SPOCK3: variants seen among roughly 807,000 people sequenced by gnomAD.
SPOCK3 encodes the protein SPARC (osteonectin), cwcv and kazal like domains proteoglycan 3, also known as testican-3.
Under a neutral mutation model 56.6 loss-of-function variants are expected in SPOCK3, and 30 were observed. That is an observed-to-expected ratio of 0.53 (90% CI 0.40 to 0.72). SPOCK3 has a LOEUF of 0.72. Ranked by LOEUF, SPOCK3 falls within the 30% of genes least tolerant of loss-of-function variation. The pLI is 0.00. For missense variants in SPOCK3, 527 were observed against 530.0 expected (o/e 0.99, Z 0.06); for synonymous variants, 196 against 183.3 (o/e 1.07, Z -0.56).
rs1303527662 is a variant in SPOCK3 at position 166,909,987 on chromosome 4, G to A, written c.474+2633C>T. ...ATAGCCTAGGGCAATACTTTCTTAT[G>A]AGGGGGGAACAAAAAAACACCAACA... On this transcript the variant is annotated intron_variant, in intron 5 of 10. Transcript: ENST00000357545. Among the ~76,000 whole-genome samples the A allele has an allele frequency of 3.3e-5, 5 of 152,088 alleles. No individual in the cohort carries two copies. In the East Asian group the frequency reaches 9.6e-4, roughly 29 times the overall value.
chr4:166,906,495 A>AC (rs1427836858), intron 5 of SPOCK3, among the ~76,000 whole-genome samples: 2 of 151,362 alleles, frequency 1.3e-5, no homozygotes, highest in Admixed American at 6.6e-5. Flanking sequence ...AAAAAAAAAA[A>AC]AAAAAACCTA....
At chr4:167,017,017 G>C (rs1750691634) in intron 3 of SPOCK3, among the ~76,000 whole-genome samples, 1 of 152,096 alleles carries the variant, frequency 6.6e-6, no homozygotes, top group African/African-American at 2.4e-5. Context: ...GACAAGATTT[G>C]AAACATGCAA....
intron 2 of SPOCK3, among the ~76,000 whole-genome samples, chr4:167,180,777 CCAAA>C (rs1259891497): frequency 6.6e-6 from 1 of 151,902 alleles, no homozygotes; most frequent in Non-Finnish European, 1.5e-5. Flanking sequence ...GAAGACATGG[CCAAA>C]CATTTTTAGA....
intron 2 of SPOCK3, among the ~76,000 whole-genome samples, chr4:167,090,372 T>C (rs1450459770): frequency 2.0e-5 from 3 of 152,176 alleles, no homozygotes; most frequent in African/African-American, 7.2e-5. Flanking sequence ...AATTTGCATT[T>C]ACACAGTGAC....
chr4:166,956,522 G>T (rs1743495977), intron 4 of SPOCK3, among the ~76,000 whole-genome samples: 1 of 152,176 alleles, frequency 6.6e-6, no homozygotes, highest in Admixed American at 6.5e-5. Flanking sequence ...CACAGAGCAA[G>T]AAGGTATGAG....
chr4:167,230,709 A>T (rs1264814807), intron 2 of SPOCK3, among the ~76,000 whole-genome samples: 1 of 152,084 alleles, frequency 6.6e-6, no homozygotes, highest in East Asian at 1.9e-4. Context: ...TTCCTAAGAC[A>T]TAGATATTAA....
At chr4:166,776,752 G>C (rs1244913055) in intron 7 of SPOCK3, among the ~76,000 whole-genome samples, 1 of 152,132 alleles carries the variant, frequency 6.6e-6, no homozygotes, top group East Asian at 1.9e-4. Flanking sequence ...TGTTAGAGAA[G>C]AGAGCATTCT....
chr4:167,061,723 T>C (rs1755626431), intron 3 of SPOCK3, among the ~76,000 whole-genome samples: 1 of 152,040 alleles, frequency 6.6e-6, no homozygotes, highest in Admixed American at 6.6e-5. Flanking sequence ...CTTCACAAAG[T>C]ATTATCTTTT....
At position 167,002,191 on chromosome 4, in the gene SPOCK3, C is replaced by T. The variant is rs113637771; in HGVS notation, c.236-1728G>A. 1.1e-3 allele frequency among the ~76,000 whole-genome samples: 169 copies of T among 151,974 alleles called. No homozygotes were observed. The East Asian group carries it at 0.014, about 13-fold the overall frequency. On this transcript the variant is annotated intron_variant, in intron 3 of 10. Transcript: ENST00000357545. ...CCAGGCAGCTCTTGAACTCCTGACC[C>T]GAAATGATCCACCCACCTTAGCCTC...
intron 10 of SPOCK3, among the ~76,000 whole-genome samples, chr4:166,735,479 T>C (rs1734129080): frequency 6.6e-6 from 1 of 152,076 alleles, no homozygotes; most frequent in Non-Finnish European, 1.5e-5. Flanking sequence ...GAATCTATAA[T>C]GTTACCTTAA....
intron 2 of SPOCK3, among the ~76,000 whole-genome samples, chr4:167,070,886 C>T (rs1756609463): frequency 6.6e-6 from 1 of 151,942 alleles, no homozygotes; most frequent in Admixed American, 6.6e-5. Context: ...TTCAAGCCCC[C>T]AAGTGTCACA....
At chr4:166,921,919 C>T (rs1341643036) in intron 4 of SPOCK3, among the ~76,000 whole-genome samples, 2 of 152,066 alleles carry the variant, frequency 1.3e-5, no homozygotes, top group African/African-American at 4.8e-5. Context: ...GTTATTTGCT[C>T]ATAAACGTAC....
chr4:166,884,758 A>T (rs922418254), intron 6 of SPOCK3, among the ~76,000 whole-genome samples: 1 of 152,080 alleles, frequency 6.6e-6, no homozygotes, highest in African/African-American at 2.4e-5. Context: ...ATAGCTAAGA[A>T]CCACACAGCA....
At chr4:166,893,406 C>T (rs1249267727) in intron 5 of SPOCK3, among the ~76,000 whole-genome samples, 1 of 152,002 alleles carries the variant, frequency 6.6e-6, no homozygotes. Context: ...CCAGAAAATA[C>T]AAATCAGCTA....
intron 5 of SPOCK3, among the ~76,000 whole-genome samples, chr4:166,894,226 T>G (rs1207837012): frequency 6.6e-6 from 1 of 152,086 alleles, no homozygotes; most frequent in Non-Finnish European, 1.5e-5. Context: ...AACTTCTTTT[T>G]ATATCACAAA....
In SPOCK3 at chr4:167,124,191, C is replaced by G. The variant is rs1364701426; in HGVS notation, c.190-61654G>C. On this transcript the variant is annotated intron_variant, in intron 2 of 10. Coordinates refer to ENST00000357545, the MANE Select transcript of SPOCK3 (RefSeq NM_001040159.2). ...GAATGGCCCAAGGCTACAGACTAGTCCTTGAATTTGTTTTCTTTTTAACCT... is the reference window on the plus strand; with the variant it reads ...GAATGGCCCAAGGCTACAGACTAGTGCTTGAATTTGTTTTCTTTTTAACCT... Among the ~76,000 whole-genome samples the G allele has an allele frequency of 2.6e-5, 4 of 152,266 alleles. No individual in the cohort carries two copies. The East Asian group carries it at 7.7e-4, about 29-fold the overall frequency.
intron 2 of SPOCK3, among the ~76,000 whole-genome samples, chr4:167,091,334 C>T (rs905038806): frequency 2.0e-5 from 3 of 152,024 alleles, no homozygotes; most frequent in African/African-American, 7.3e-5. Flanking sequence ...TCATAATGAA[C>T]TGTTCAATAT....
intron 7 of SPOCK3, among the ~76,000 whole-genome samples, chr4:166,772,807 T>A (rs1302521021): frequency 6.6e-6 from 1 of 152,104 alleles, no homozygotes; most frequent in Non-Finnish European, 1.5e-5. Context: ...TTTGTTTGCT[T>A]TTGAGACAGG....
rs1166535845 is a variant in SPOCK3, at chr4:166,733,559, C to T, written c.*1362G>A. On this transcript the variant is annotated 3_prime_UTR_variant, in exon 11 of 11. Coordinates refer to ENST00000357545, the MANE Select transcript of SPOCK3 (RefSeq NM_001040159.2). ...TTGTATACTGGGAAACCAGTTTACC[C>T]ACTGTTGAAATTAAAGATACCAATA... is the stretch of plus-strand genomic sequence containing the variant. 6.6e-6 allele frequency: 1 copy of T among 151,672 alleles called. No homozygotes were observed. The highest frequency in any genetic ancestry group is 2.4e-5 in the African/African-American group (1 of 41,366). 9.4% of individuals were successfully genotyped at this position (151,672 alleles called of 1,614,324 possible).
Sources: allele counts gnomAD v4.1 joint callset (sites outside exome capture counted in the v4.1 genomes callset), GRCh38; gene constraint gnomAD v4.1.1; transcripts MANE v1.5; gene names NCBI Gene and HGNC (gene_info 2026-07-23, HGNC 2026-07-21).